Variants in PRKCA observed in about 807,000 individuals in gnomAD.
The protein encoded by PRKCA is protein kinase C alpha, also known as protein kinase C alpha type.
A neutral mutation model predicts 87.0 loss-of-function variants in PRKCA; 27 were observed. The observed-to-expected ratio is 0.31, with a 90% CI of 0.23 to 0.43. The LOEUF is 0.43. PRKCA is among the 20% of genes least tolerant of loss of function. The pLI is 1.00. For missense variants in PRKCA, 518 were observed against 852.3 expected (o/e 0.61, Z 4.88); for synonymous variants, 329 against 311.1 (o/e 1.06, Z -0.61).
At chr17:66,335,550 C>T (rs1429870680) in intron 2 of PRKCA, among the ~76,000 whole-genome samples, 1 of 151,544 alleles carries the variant, frequency 6.6e-6, no homozygotes, top group Non-Finnish European at 1.5e-5. Flanking sequence ...TGAGTACACT[C>T]CAGCCTGGGC....
chr17:66,445,011 A>G (rs763460444), intron 2 of PRKCA, among the ~76,000 whole-genome samples: 36 of 152,120 alleles, frequency 2.4e-4, no homozygotes, highest in Non-Finnish European at 4.7e-4. Context: ...TGCTAAACAC[A>G]TAGGTACTGG....
rs570840817 is a variant in PRKCA at position 66,805,022 on chromosome 17, G to A, written c.*985G>A. On this transcript the variant is annotated 3_prime_UTR_variant, in exon 17 of 17. Coordinates refer to ENST00000413366, the MANE Select transcript of PRKCA (RefSeq NM_002737.3). ...TATTTATTTAATAGGCTGCAGTGTC[G>A]CTTATGAAAGTACGATGTACAGTAA... 35 of 984,636 alleles carry A rather than the reference G, an allele frequency of 3.6e-5. No homozygotes were observed. In the East Asian group the frequency reaches 1.5e-3, roughly 42 times the overall value. 61.0% of individuals were successfully genotyped at this position (984,636 alleles called of 1,614,324 possible).
intron 5 of PRKCA, among the ~76,000 whole-genome samples, chr17:66,654,006 C>T (rs956651617): frequency 2.0e-5 from 3 of 152,180 alleles, no homozygotes; most frequent in Non-Finnish European, 4.4e-5. Context: ...GGCATTGTTG[C>T]ATTAATTTTC....
intron 2 of PRKCA, among the ~76,000 whole-genome samples, chr17:66,327,342 G>T (rs1007947684): frequency 1.4e-5 from 2 of 147,402 alleles, no homozygotes; most frequent in African/African-American, 5.0e-5. Flanking sequence ...ACTCCAGCCT[G>T]GATGACAGAG....
At chr17:66,620,783 A>G (rs576041922) in intron 3 of PRKCA, among the ~76,000 whole-genome samples, 1 of 152,332 alleles carries the variant, frequency 6.6e-6, no homozygotes, top group South Asian at 2.1e-4. Context: ...CTGGAGGGCC[A>G]AAATTTCAGC....
At chr17:66,632,325 A>G (rs1047394553) in intron 3 of PRKCA, among the ~76,000 whole-genome samples, 1 of 152,124 alleles carries the variant, frequency 6.6e-6, no homozygotes, top group African/African-American at 2.4e-5. Context: ...TTATTTATCA[A>G]TCTAGAAAAA....
At chr17:66,660,389 C>T (rs948109290) in intron 5 of PRKCA, among the ~76,000 whole-genome samples, 2 of 152,176 alleles carry the variant, frequency 1.3e-5, no homozygotes, top group East Asian at 1.9e-4. Context: ...TCTTCCTTGT[C>T]AAGTTGCTCA....
intron 2 of PRKCA, among the ~76,000 whole-genome samples, chr17:66,360,741 CA>C (rs1303707181): frequency 1.3e-5 from 2 of 152,270 alleles, no homozygotes; most frequent in African/African-American, 4.8e-5. Flanking sequence ...CCACTCTTGT[CA>C]TCCGAACTGG....
At chr17:66,790,518 C>T (rs1975506689) in intron 16 of PRKCA, among the ~76,000 whole-genome samples, 1 of 152,014 alleles carries the variant, frequency 6.6e-6, no homozygotes, top group Non-Finnish European at 1.5e-5. Context: ...GTAGAAAATT[C>T]TGTTAGGGAT....
chr17:66,685,721 T>C (rs1326507115), intron 5 of PRKCA, among the ~76,000 whole-genome samples: 1 of 152,200 alleles, frequency 6.6e-6, no homozygotes, highest in Non-Finnish European at 1.5e-5. Flanking sequence ...CCCAACATCT[T>C]TAGGGTTCTC....
intron 2 of PRKCA, among the ~76,000 whole-genome samples, chr17:66,421,473 C>T (rs1912491754): frequency 7.2e-6 from 1 of 138,282 alleles, no homozygotes; most frequent in Non-Finnish European, 1.5e-5. Flanking sequence ...TGATTTTCAG[C>T]TTTATAGGGA....
chr17:66,431,172 T>C (rs1328003651), intron 2 of PRKCA, among the ~76,000 whole-genome samples: 1 of 152,228 alleles, frequency 6.6e-6, no homozygotes, highest in East Asian at 1.9e-4. Context: ...GTCCTTCTGA[T>C]GGGAAGAATA....
intron 16 of PRKCA, among the ~76,000 whole-genome samples, chr17:66,789,704 A>C (rs1426963399): frequency 6.6e-6 from 1 of 152,190 alleles, no homozygotes; most frequent in Non-Finnish European, 1.5e-5. Flanking sequence ...AACTTGCCAG[A>C]AGACACACAG....
chr17:66,515,806 G>T (rs1451550471), intron 3 of PRKCA, among the ~76,000 whole-genome samples: 2 of 152,186 alleles, frequency 1.3e-5, no homozygotes, highest in East Asian at 1.9e-4. Flanking sequence ...CGGCTTTGCA[G>T]AGTGTTGGGA....
chr17:66,309,880 G>A (rs190967297), intron 2 of PRKCA, among the ~76,000 whole-genome samples: 39 of 152,238 alleles, frequency 2.6e-4, no homozygotes, highest in African/African-American at 9.4e-4. Flanking sequence ...TTTCAAGTCT[G>A]GAAGGTCTGT....
At chr17:66,373,078 GGAGA>G (rs1021944514) in intron 2 of PRKCA, among the ~76,000 whole-genome samples, 13 of 152,040 alleles carry the variant, frequency 8.6e-5, no homozygotes, top group African/African-American at 3.1e-4. Flanking sequence ...GGGAACAAAG[GGAGA>G]GAGATTGATT....
chr17:66,709,896 C>A (rs897369113), intron 8 of PRKCA, among the ~76,000 whole-genome samples: 7 of 151,984 alleles, frequency 4.6e-5, no homozygotes, highest in Admixed American at 1.3e-4. Flanking sequence ...TCATGGTAAG[C>A]GGGTTTGGTT....
At chr17:66,774,395 C>T (rs920320531) in intron 14 of PRKCA, 94 of 1,101,642 alleles carry the variant, frequency 8.5e-5, no homozygotes, top group Admixed American at 2.0e-4. Flanking sequence ...CCAAGGCAGG[C>T]GGATCGCCTG....
At chr17:66,494,538 C>T (rs893369394) in intron 2 of PRKCA, among the ~76,000 whole-genome samples, 7 of 152,080 alleles carry the variant, frequency 4.6e-5, no homozygotes, top group African/African-American at 1.4e-4. Flanking sequence ...GTGGAGTGAC[C>T]CCCCAAGGGT....
Sources: allele counts gnomAD v4.1 joint callset (sites outside exome capture counted in the v4.1 genomes callset), GRCh38; gene constraint gnomAD v4.1.1; transcripts MANE v1.5; gene names NCBI Gene and HGNC (gene_info 2026-07-23, HGNC 2026-07-21).